CACNA2D2: variants seen among roughly 807,000 people sequenced by gnomAD.
CACNA2D2 encodes the protein voltage-dependent calcium channel subunit alpha-2/delta-2.
Under a neutral mutation model 166.4 loss-of-function variants are expected in CACNA2D2, and 48 were observed. The observed-to-expected ratio is 0.29, with a 90% CI of 0.23 to 0.37. The LOEUF (loss-of-function observed/expected upper bound fraction) is 0.37. Ranked by LOEUF, CACNA2D2 falls within the 10% of genes least tolerant of loss-of-function variation. The probability of loss-of-function intolerance (pLI) is 1.00; values close to 1 mark genes in which losing one functional copy is unlikely to be tolerated. For synonymous variants in CACNA2D2, 561 were observed against 573.7 expected (o/e 0.98, Z 0.32); for missense variants, 1,122 against 1,433.0 (o/e 0.78, Z 3.50).
chr3:50,438,682 G>A (rs571820172), intron 2 of CACNA2D2, among the ~76,000 whole-genome samples: 1 of 152,178 alleles, frequency 6.6e-6, no homozygotes, highest in African/African-American at 2.4e-5. Context: ...AGCCACCACA[G>A]GAAACTAAAG....
chr3:50,412,049 G>A (rs1363157823), intron 3 of CACNA2D2, among the ~76,000 whole-genome samples: 1 of 152,178 alleles, frequency 6.6e-6, no homozygotes, highest in African/African-American at 2.4e-5. Flanking sequence ...GGTCTCCCTT[G>A]ACTTCCAGGA....
At chr3:50,402,866 T>C (rs1559914337) in intron 3 of CACNA2D2, among the ~76,000 whole-genome samples, 1 of 152,240 alleles carries the variant, frequency 6.6e-6, no homozygotes, top group Non-Finnish European at 1.5e-5. Context: ...GCAGATAGCA[T>C]TGGGTGAGGG....
At chr3:50,386,582 G>A (rs1705620352) in intron 5 of CACNA2D2, among the ~76,000 whole-genome samples, 1 of 152,238 alleles carries the variant, frequency 6.6e-6, no homozygotes, top group Admixed American at 6.5e-5. Context: ...TCCGTCTCGG[G>A]CCCTGTGCCC....
chr3:50,377,619 T>A, intron 16 of CACNA2D2, 78 bp from the exon 17 acceptor site: 1 of 1,567,348 alleles, frequency 6.4e-7, no homozygotes, highest in Non-Finnish European at 8.8e-7. Context: ...CTCAAGCTGC[T>A]CTCACAGGCA....
chr3:50,376,330 T>C lies in CACNA2D2; in HGVS notation c.1627-142A>G, dbSNP rs1704991142. The C allele has an allele frequency of 1.1e-6, 1 of 884,356 alleles. No homozygotes were observed. The highest frequency in any genetic ancestry group is 1.7e-6 in the Non-Finnish European group (1 of 575,238). The allele number at this position is 884,356 out of a possible 1,614,324, so 54.8% of individuals were successfully genotyped here. On this transcript the variant is annotated intron_variant, in intron 17 of 37. Transcript: ENST00000424201. This position sits in a 1 kb window ranked among gnomAD's most constrained non-coding sequence, Gnocchi z 4.3. The stretch of plus-strand genomic sequence containing the variant: ...GGGCTAAGGGCCCCCCCATGCCACG[T>C]GGCCCTAAGCCTGTCTCTCCAGCCA...
chr3:50,414,276 C>T (rs1376042913), intron 3 of CACNA2D2, among the ~76,000 whole-genome samples: 2 of 152,114 alleles, frequency 1.3e-5, no homozygotes, highest in African/African-American at 4.8e-5. Flanking sequence ...ACCGTGCAAG[C>T]GTGGCCAAGC....
intron 2 of CACNA2D2, among the ~76,000 whole-genome samples, chr3:50,470,839 C>T (rs1710052648): frequency 6.6e-6 from 1 of 152,080 alleles, no homozygotes; most frequent in South Asian, 2.1e-4. Flanking sequence ...GCATCTGCCT[C>T]TCTCTACCCA....
intron 3 of CACNA2D2, among the ~76,000 whole-genome samples, chr3:50,408,532 C>T (rs1706832649): frequency 6.6e-6 from 1 of 152,222 alleles, no homozygotes; most frequent in South Asian, 2.1e-4. Flanking sequence ...AGGGTAAGAG[C>T]TGCTCTGAAT....
chr3:50,434,845 T>C (rs1708236826), intron 2 of CACNA2D2, among the ~76,000 whole-genome samples: 1 of 152,174 alleles, frequency 6.6e-6, no homozygotes, highest in African/African-American at 2.4e-5. Context: ...ACACACCACA[T>C]ACCCCATCCC....
chr3:50,449,373 G>T (rs1709002007), intron 2 of CACNA2D2, among the ~76,000 whole-genome samples: 1 of 152,160 alleles, frequency 6.6e-6, no homozygotes. Flanking sequence ...AAATTAGCAG[G>T]TCTCCCCTCT....
chr3:50,457,079 GTC>G (rs1365337952), intron 2 of CACNA2D2, among the ~76,000 whole-genome samples: 1 of 152,132 alleles, frequency 6.6e-6, no homozygotes, highest in Non-Finnish European at 1.5e-5. Context: ...GTGAAACCCT[GTC>G]TCTACTAAAA....
At chr3:50,434,928 C>T (rs1708242507) in intron 2 of CACNA2D2, among the ~76,000 whole-genome samples, 1 of 152,240 alleles carries the variant, frequency 6.6e-6, no homozygotes, top group Non-Finnish European at 1.5e-5. Context: ...GCATCTGGAC[C>T]CTTTTTTGTG....
intron 3 of CACNA2D2, among the ~76,000 whole-genome samples, chr3:50,413,802 G>A (rs1046362692): frequency 1.3e-5 from 2 of 152,094 alleles, no homozygotes; most frequent in Non-Finnish European, 2.9e-5. Flanking sequence ...AGCCGAGACC[G>A]TGCCACTGCA....
chr3:50,472,510 T>C (rs935665055), intron 2 of CACNA2D2, among the ~76,000 whole-genome samples: 1 of 152,156 alleles, frequency 6.6e-6, no homozygotes, highest in African/African-American at 2.4e-5. Flanking sequence ...GCTTCCCTCC[T>C]TCTATAGAGA....
At chr3:50,483,100 A>T (rs1162754300) in intron 1 of CACNA2D2, among the ~76,000 whole-genome samples, 1 of 152,222 alleles carries the variant, frequency 6.6e-6, no homozygotes, top group Non-Finnish European at 1.5e-5. Flanking sequence ...ATGATAGAGT[A>T]AGGCTCCCCA....
At chr3:50,485,109 C>G (rs190269073) in intron 1 of CACNA2D2, among the ~76,000 whole-genome samples, 3 of 152,352 alleles carry the variant, frequency 2.0e-5, no homozygotes, top group African/African-American at 7.2e-5. Context: ...GCCACTTCTT[C>G]CAGGAAGCAG....
intron 1 of CACNA2D2, among the ~76,000 whole-genome samples, chr3:50,480,606 G>T (rs1048008439): frequency 7.3e-5 from 11 of 151,662 alleles, no homozygotes; most frequent in African/African-American, 2.7e-4. Flanking sequence ...AGAACCAAGA[G>T]GAGTTGGGGA....
intron 3 of CACNA2D2, among the ~76,000 whole-genome samples, chr3:50,409,956 T>C (rs887151571): frequency 1.3e-5 from 2 of 152,192 alleles, no homozygotes; most frequent in African/African-American, 4.8e-5. Flanking sequence ...TTCTTGCTAC[T>C]TTCCCAGAGC....
At chr3:50,383,222 A>G (rs1236992414) in intron 6 of CACNA2D2, among the ~76,000 whole-genome samples, 1 of 151,902 alleles carries the variant, frequency 6.6e-6, no homozygotes, top group Admixed American at 6.6e-5. Flanking sequence ...GCCTGTGGGG[A>G]GCAGGGGGGA....
Sources: allele counts gnomAD v4.1 joint callset (sites outside exome capture counted in the v4.1 genomes callset), GRCh38; gene constraint gnomAD v4.1.1; non-coding constraint Gnocchi (gnomAD v3.1); transcripts MANE v1.5; gene names NCBI Gene and HGNC (gene_info 2026-07-23, HGNC 2026-07-21).